Variants in MAN2B2 observed in about 807,000 individuals in gnomAD.
MAN2B2 encodes epididymis-specific alpha-mannosidase.
MAN2B2 carries 106 observed loss-of-function variants against 117.1 expected under a neutral mutation model. That is an observed-to-expected ratio of 0.90 (90% CI 0.77 to 1.06). The LOEUF (loss-of-function observed/expected upper bound fraction) is 1.06, where lower values mean the gene tolerates loss of function less well. Among genes scored for constraint, MAN2B2 ranks in the 50% least tolerant of loss-of-function variants. MAN2B2 has a pLI of 0.00. For synonymous variants in MAN2B2, 544 were observed against 595.1 expected (o/e 0.91, Z 1.25); for missense variants, 1,326 against 1,381.4 (o/e 0.96, Z 0.64).
intron 13 of MAN2B2, among the ~76,000 whole-genome samples, chr4:6,610,447 G>A (rs568499818): frequency 9.2e-5 from 14 of 152,258 alleles, no homozygotes; most frequent in African/African-American, 2.4e-4. Flanking sequence ...GTGAGCCACC[G>A]CGCCCGGCCT....
intron 12 of MAN2B2, 121 bp from the exon 13 acceptor site, chr4:6,609,677 G>A (rs1033716731): frequency 8.6e-6 from 11 of 1,284,448 alleles, no homozygotes; most frequent in Non-Finnish European, 1.2e-5. Context: ...GCCCAAGAAG[G>A]CTCCCTGCCT....
intron 3 of MAN2B2, 69 bp from the exon 4 acceptor site, chr4:6,586,927 G>A (rs1726654203): frequency 6.7e-7 from 1 of 1,491,264 alleles, no homozygotes; most frequent in Non-Finnish European, 9.2e-7. Context: ...GGGTCCCCTG[G>A]GGTGAGGATG....
chr4:6,609,269 T>A lies in MAN2B2; in HGVS notation c.1977T>A (p.Leu659=). The A allele has an allele frequency of 6.2e-7, 1 of 1,614,016 alleles. No homozygotes were observed. The highest frequency in any genetic ancestry group is 1.1e-5 in the South Asian group (1 of 91,082). ...AAATGGAGATTGTGGCGGGACAGCT[T>A]GTGACTGAGATCCGGCAGTACTTCT... ...AVEMEIVAGQ[L]VTEIRQYFYR... Residue 659 remains leucine (L), a synonymous_variant, in exon 12 of 19, where the codon CTT becomes CTA. Transcript: ENST00000285599.
intron 11 of MAN2B2, among the ~76,000 whole-genome samples, chr4:6,606,394 C>G (rs1213150525): frequency 6.6e-6 from 1 of 152,202 alleles, no homozygotes; most frequent in African/African-American, 2.4e-5. Flanking sequence ...GGGAGTTGGG[C>G]AGAGGAGCTG....
intron 5 of MAN2B2, among the ~76,000 whole-genome samples, chr4:6,591,502 C>G (rs1726858963): frequency 6.6e-6 from 1 of 152,216 alleles, no homozygotes; most frequent in Non-Finnish European, 1.5e-5. Flanking sequence ...ACGTGAGTGG[C>G]TCATTTGAAT....
At chr4:6,585,842 G>A (rs1488162843) in intron 3 of MAN2B2, among the ~76,000 whole-genome samples, 1 of 152,190 alleles carries the variant, frequency 6.6e-6, no homozygotes, top group Admixed American at 6.5e-5. Context: ...TCATGGCACA[G>A]CAGCTGGCCC....
chr4:6,618,042 G>A (rs944344624), intron 17 of MAN2B2: 1 of 157,104 alleles, frequency 6.4e-6, no homozygotes. Context: ...TAGAGACAGG[G>A]TTTCTCCATG....
In MAN2B2 at chr4:6,589,118, A is replaced by G. The variant is rs146802368; in HGVS notation, c.638A>G (p.Gln213Arg). The change falls in exon 5 of 19, where the codon CAG becomes CGG. Residue 213 changes from glutamine to arginine, a missense_variant. Transcript: ENST00000285599. ...GAAATCTTCACGCACATCATGGACC[A>G]GTACAGCTACTGCACCCCGTCCCAC... Reference protein sequence around the residue: ...RQEIFTHIMDQYSYCTPSHIP... With the variant: ...RQEIFTHIMDRYSYCTPSHIP... The G allele has an allele frequency of 6.2e-6, 10 of 1,614,078 alleles. No homozygotes were observed. The highest frequency in any genetic ancestry group is 2.7e-5 in the African/African-American group (2 of 74,940).
intron 16 of MAN2B2, among the ~76,000 whole-genome samples, chr4:6,615,003 T>C (rs113085460): frequency 7.9e-5 from 12 of 152,132 alleles, no homozygotes; most frequent in African/African-American, 2.9e-4. Flanking sequence ...CTGCACCTCC[T>C]CTGCCCCCTC....
chr4:6,582,729 T>C (rs1252723307), intron 3 of MAN2B2, among the ~76,000 whole-genome samples: 2 of 152,184 alleles, frequency 1.3e-5, no homozygotes, highest in Non-Finnish European at 2.9e-5. Flanking sequence ...CAGGCTGGTC[T>C]TGAACTCCTG....
rs1473792797 is a variant in MAN2B2 at position 6,600,723 on chromosome 4, CA to C, written c.1507del (p.Thr503GlnfsTer27). ...LTVGFPGVRV[T>X]DEAGHPVPSQ... ...CTGTTGGTTTCCCTGGAGTCCGCGT[CA>C]CAGATGAGGCGGGCCACCCAGTGCC... is the stretch of plus-strand genomic sequence containing the variant. On this transcript the variant is annotated frameshift_variant, in exon 10 of 19. Coordinates refer to ENST00000285599, the MANE Select transcript of MAN2B2 (RefSeq NM_015274.3). LOFTEE classifies it high-confidence loss of function. 1 of 1,613,928 alleles carries C rather than the reference CA, an allele frequency of 6.2e-7. No homozygotes were observed. Among genetic ancestry groups the C allele is most frequent in the East Asian group, 2.2e-5 (1 of 44,882 alleles).
At chr4:6,603,383 G>A (rs1036359134) in intron 10 of MAN2B2, among the ~76,000 whole-genome samples, 3 of 152,156 alleles carry the variant, frequency 2.0e-5, no homozygotes, top group African/African-American at 7.2e-5. Context: ...GCGAGGCCAG[G>A]CCCCATCCCA....
At chr4:6,583,466 A>G (rs1460584066) in intron 3 of MAN2B2, among the ~76,000 whole-genome samples, 1 of 152,228 alleles carries the variant, frequency 6.6e-6, no homozygotes, top group East Asian at 1.9e-4. Flanking sequence ...ATCGGACGCC[A>G]ATTAACAGTT....
intron 13 of MAN2B2, 84 bp downstream of exon 13, chr4:6,610,134 C>G: frequency 6.5e-7 from 1 of 1,541,918 alleles, no homozygotes; most frequent in Non-Finnish European, 8.8e-7. Flanking sequence ...CAGTAGAGGC[C>G]AGTAGAGGCC....
chr4:6,576,488 C>A lies in MAN2B2; in HGVS notation c.139-90C>A, dbSNP rs75516974. ...GGGAAGGAAGGGCAGAGCCCCCAAC[C>A]CCATGCAGACACACCTGGCGAATGG... On this transcript the variant is annotated intron_variant, in intron 1 of 18. Transcript: ENST00000285599. The A allele has an allele frequency of 1.3e-4, 197 of 1,496,466 alleles. No individual in the cohort carries two copies. In the African/African-American group the frequency reaches 2.5e-3, roughly 19 times the overall value. The allele number at this position is 1,496,466 out of a possible 1,614,324, so 92.7% of individuals were successfully genotyped here. A position where few individuals can be genotyped will look rare whatever the true frequency, so the allele number is the denominator to read the frequency against.
chr4:6,599,922 G>T (rs972265539), intron 9 of MAN2B2, among the ~76,000 whole-genome samples: 4 of 152,256 alleles, frequency 2.6e-5, no homozygotes, highest in Non-Finnish European at 5.9e-5. Context: ...TCACTGCCAG[G>T]TGGGGACTTT....
In MAN2B2 at chr4:6,605,291, C is replaced by T. The variant is rs374489307; in HGVS notation, c.1776C>T (p.Leu592=). The change falls in exon 11 of 19, where the codon CTC becomes CTT. Residue 592 remains leucine, a synonymous_variant. Transcript: ENST00000285599. ...CAAACGACTGCTACATTGTGCTGCT[C>T]GACCAGGATACCAACCTGATGCACA... The part of the protein sequence containing the change: ...PVANDCYIVL[L]DQDTNLMHSI... 8.7e-6 allele frequency: 14 copies of T among 1,613,446 alleles called. No individual in the cohort carries two copies. The highest frequency in any genetic ancestry group is 2.2e-5 in the South Asian group (2 of 91,056).
In MAN2B2 at chr4:6,621,205, T is replaced by C. The variant is rs1022640652; in HGVS notation, c.2950T>C (p.Ser984Pro). ...GRHRGDTTSP[S>P]RPPGGPIITV... ...TCCCCTAGGTGACACCACCTCTCCCTCGAGGCCACCAGGAGGCCCCATCAT... is the reference window on the plus strand; with the variant it reads ...TCCCCTAGGTGACACCACCTCTCCCCCGAGGCCACCAGGAGGCCCCATCAT... The change falls in exon 19 of 19, where the codon TCG becomes CCG. Residue 984 changes from serine to proline, a missense_variant. Ser to Pro is a moderately conservative substitution (Grantham distance 74). Transcript: ENST00000285599. The C allele has an allele frequency of 5.6e-6, 9 of 1,613,882 alleles. No individual in the cohort carries two copies. The highest frequency in any genetic ancestry group is 7.6e-6 in the Non-Finnish European group (9 of 1,179,944).
intron 6 of MAN2B2, among the ~76,000 whole-genome samples, 186 bp from the exon 7 acceptor site, chr4:6,594,348 C>A (rs892870119): frequency 4.6e-5 from 7 of 152,154 alleles, no homozygotes; most frequent in Non-Finnish European, 7.4e-5. Flanking sequence ...AGAAGAATCA[C>A]TTGAACCCGG....
Sources: gnomAD v4.1 joint callset for allele counts (sites outside exome capture counted in the v4.1 genomes callset) on GRCh38, gnomAD v4.1.1 for gene constraint, MANE v1.5 for transcripts, NCBI Gene and HGNC (gene_info 2026-07-23, HGNC 2026-07-21) for gene names.